Variants in TMC4 observed in about 807,000 individuals in gnomAD.
TMC4 encodes transmembrane channel like 4, also known as voltage-gated chloride channel TMC4.
In TMC4, 70 loss-of-function variants were observed where a neutral mutation model predicts 82.0. That is an observed-to-expected ratio of 0.85 (90% CI 0.70 to 1.04). The LOEUF is 1.04. TMC4 is among the 50% of genes least tolerant of loss of function. TMC4 has a pLI of 0.00. For synonymous variants in TMC4, 446 were observed against 406.0 expected (o/e 1.10, Z -1.18); for missense variants, 879 against 899.0 (o/e 0.98, Z 0.28).
Position 54,169,456 on chromosome 19 carries a change from C to G in TMC4, c.442+56G>C, listed in dbSNP as rs1292985378. The G allele has an allele frequency of 2.6e-6, 4 of 1,555,930 alleles. No homozygotes were observed. In the African/African-American group the frequency reaches 5.5e-5, roughly 21 times the overall value. ...GGAGTCCGTCCCCAGCCCCTCCTCCCTCAGACCCAGGAGTCCAGGCCCTGC... is the reference window on the plus strand; with the variant it reads ...GGAGTCCGTCCCCAGCCCCTCCTCCGTCAGACCCAGGAGTCCAGGCCCTGC... On this transcript the variant is annotated intron_variant, in intron 3 of 14. Transcript: ENST00000619895.
At chr19:54,165,256 G>C (rs1161818146) in intron 6 of TMC4, among the ~76,000 whole-genome samples, 163 bp downstream of exon 6, 1 of 151,780 alleles carries the variant, frequency 6.6e-6, no homozygotes, top group East Asian at 1.9e-4. Context: ...GCCCTATCTC[G>C]GCCTCCTCTC....
At chr19:54,172,193 C>T (rs933010529) in intron 1 of TMC4, 110 bp from the exon 2 acceptor site, 10 of 899,284 alleles carry the variant, frequency 1.1e-5, no homozygotes, top group Non-Finnish European at 1.4e-5. Flanking sequence ...CCCAGGAGTC[C>T]AGGCCCCCGG....
Position 54,168,333 on chromosome 19 carries a change from G to C in TMC4, c.676-41C>G, listed in dbSNP as rs529056410. ...GGCGCAGGGGCCACTGTGGGAGGAG[G>C]CGGGGCTCCTGGAGCTGCACAGTCA... On this transcript the variant is annotated intron_variant, in intron 4 of 14. Coordinates refer to ENST00000619895, the MANE Select transcript of TMC4 (RefSeq NM_144686.4). 163 of 1,542,222 alleles carry C rather than the reference G, an allele frequency of 1.1e-4. No individual in the cohort carries two copies. In the African/African-American group the frequency reaches 1.8e-3, roughly 17 times the overall value.
Position 54,163,876 on chromosome 19 carries a change from A to G in TMC4, c.1125T>C (p.Leu375=). The change falls in exon 8 of 15, where the codon CTT becomes CTC. Residue 375 remains leucine, a synonymous_variant. Transcript: ENST00000619895. The part of the protein sequence containing the change: ...GCTVELQEMP[L]VQELPLLKLG... ...GCTTCAGCAGTGGCAACTCCTGGAC[A>G]AGGGGCATCTCCTGGGAGCGGGATG... is the stretch of plus-strand genomic sequence containing the variant. 1 of 1,613,994 alleles carries G rather than the reference A, an allele frequency of 6.2e-7. No individual in the cohort carries two copies. Among genetic ancestry groups the G allele is most frequent in the Non-Finnish European group, 8.5e-7 (1 of 1,179,992 alleles).
Position 54,163,724 on chromosome 19 carries a change from C to G in TMC4, c.1277G>C (p.Arg426Thr). The change falls in exon 8 of 15, where the codon AGG (arginine) becomes ACG (threonine). Residue 426 changes from arginine (R) to threonine (T), a missense_variant and splice_region_variant. By Grantham distance (71) the Arg-to-Thr change is moderately conservative (BLOSUM62 -1). Coordinates refer to ENST00000619895, the MANE Select transcript of TMC4 (RefSeq NM_144686.4). ...RSRQIVFILL[R>T]TVFLRLASLV... Reference sequence around the variant, plus strand: ...CCAGCCATCCCCGTGAGGCTGGAACCTGAGCAGGATAAAAACGATCTGGCG... The same window carrying G: ...CCAGCCATCCCCGTGAGGCTGGAACGTGAGCAGGATAAAAACGATCTGGCG... The G allele has an allele frequency of 6.2e-7, 1 of 1,614,056 alleles. No homozygotes were observed. The highest frequency in any genetic ancestry group is 8.5e-7 in the Non-Finnish European group (1 of 1,180,014).
intron 2 of TMC4, 141 bp downstream of exon 2, chr19:54,171,729 A>G (rs934700827): frequency 7.2e-6 from 5 of 694,532 alleles, no homozygotes; most frequent in African/African-American, 3.7e-5. Flanking sequence ...GAAAGAAACC[A>G]AGAGAGGCAG....
intron 11 of TMC4, 21 bp from the exon 12 acceptor site, chr19:54,161,281 G>A: frequency 2.0e-6 from 3 of 1,484,380 alleles, no homozygotes; most frequent in Non-Finnish European, 2.7e-6. Context: ...AAGGCACGGA[G>A]AAAAGGGCTC....
chr19:54,161,545 T>C (rs2075555987), intron 11 of TMC4, among the ~76,000 whole-genome samples: 1 of 150,240 alleles, frequency 6.7e-6, no homozygotes, highest in Admixed American at 6.6e-5. Context: ...TGTTTGTTTG[T>C]TTTCTCTTTT....
intron 5 of TMC4, 151 bp from the exon 6 acceptor site, chr19:54,165,717 CAA>C (rs1341793539): frequency 3.3e-6 from 3 of 913,954 alleles, no homozygotes; most frequent in Non-Finnish European, 4.8e-6. Context: ...GGGAAAGAGT[CAA>C]AGAGGCGGAG....
intron 2 of TMC4, among the ~76,000 whole-genome samples, chr19:54,171,477 G>T (rs2075886364): frequency 6.6e-6 from 1 of 152,186 alleles, no homozygotes; most frequent in African/African-American, 2.4e-5. Context: ...TATGCAGTGA[G>T]AATGGGAAAA....
At position 54,165,463 on chromosome 19, in the gene TMC4, C is replaced by T; in HGVS notation, c.901G>A (p.Val301Ile). The T allele has an allele frequency of 6.2e-7, 1 of 1,611,358 alleles. No individual in the cohort carries two copies. Among genetic ancestry groups the T allele is most frequent in the Non-Finnish European group, 8.5e-7 (1 of 1,178,106 alleles). ...SAWDFGLCGDVHVRLRQRIIL... is the reference protein window; with the variant it reads ...SAWDFGLCGDIHVRLRQRIIL... ...ATGCGCTGGCGCAGCCGCACGTGGA[C>T]GTCCCCGCAGAGACCGAAGTCCCAG... Residue 301 changes from valine (V) to isoleucine (I), a missense_variant, in exon 6 of 15, where the codon GTC (valine) becomes ATC (isoleucine). Coordinates refer to ENST00000619895, the MANE Select transcript of TMC4 (RefSeq NM_144686.4).
rs758296563 is a variant in TMC4 at position 54,163,061 on chromosome 19, G to A, written c.1376C>T (p.Thr459Ile). 8 of 1,614,126 alleles carry A rather than the reference G, an allele frequency of 5.0e-6. No homozygotes were observed. Among genetic ancestry groups the A allele is most frequent in the African/African-American group, 4.0e-5 (3 of 75,008 alleles). The part of the protein sequence containing the change: ...GGDSEAEDCK[T>I]CGYNYKQLPC... ...AAGTTGTTTGTAATTGTAGCCACAG[G>A]TTTTGCAGTCCTCAGCCTCGGAGTC... is the stretch of plus-strand genomic sequence containing the variant. The change falls in exon 9 of 15, where the codon ACC (threonine) becomes ATC (isoleucine). Residue 459 changes from threonine to isoleucine, a missense_variant. Transcript: ENST00000619895.
In TMC4 at chr19:54,161,174, CAGG is replaced by C. The variant is rs1312951689; in HGVS notation, c.1770_1772del (p.Leu591del). The C allele has an allele frequency of 6.3e-7, 1 of 1,593,358 alleles. No individual in the cohort carries two copies. Among genetic ancestry groups the C allele is most frequent in the South Asian group, 1.1e-5 (1 of 88,586 alleles). On this transcript the variant is annotated inframe_deletion, in exon 12 of 15. Transcript: ENST00000619895. ...GGGGAACGCTGGAGATGGCCAGACC[CAGG>C]AGAAGGACCAAGGGGAAAAAGAAAT... is the stretch of plus-strand genomic sequence containing the variant.
Position 54,165,056 on chromosome 19 carries a change from TA to T in TMC4, c.945+362del, listed in dbSNP as rs916374679. ...GCCCCGCCCGCTTCTTGTGCTTACT[TA>T]AAAAAAAACAAACTTTTTTTTTTTT... is the stretch of plus-strand genomic sequence containing the variant. On this transcript the variant is annotated intron_variant, in intron 6 of 14. Coordinates refer to ENST00000619895, the MANE Select transcript of TMC4 (RefSeq NM_144686.4). Among the ~76,000 whole-genome samples the T allele has an allele frequency of 2.3e-3, 336 of 146,132 alleles. 1 individual carries two copies. The highest frequency in any genetic ancestry group is 8.1e-3 in the African/African-American group (318 of 39,480).
intron 14 of TMC4, 29 bp downstream of exon 14, chr19:54,160,438 G>A: frequency 6.2e-7 from 1 of 1,610,802 alleles, no homozygotes; most frequent in Non-Finnish European, 8.5e-7. Context: ...TGTTCCCCAG[G>A]GGCCCTCTCA....
At chr19:54,164,331 C>G (rs1003435168) in intron 7 of TMC4, 103 bp downstream of exon 7, 1 of 1,403,688 alleles carries the variant, frequency 7.1e-7, no homozygotes, top group African/African-American at 1.4e-5. Context: ...TCCCATACTT[C>G]CTCTCTAAGA....
At chr19:54,163,373 C>T (rs1169630664) in intron 8 of TMC4, 8 of 674,470 alleles carry the variant, frequency 1.2e-5, no homozygotes, top group African/African-American at 7.6e-5. Flanking sequence ...TGCAGTGGCG[C>T]GATCTCAGCT....
intron 6 of TMC4, among the ~76,000 whole-genome samples, chr19:54,165,070 CTTT>C (rs34861271): frequency 2.9e-5 from 4 of 136,036 alleles, no homozygotes; most frequent in Admixed American, 7.3e-5. Context: ...AAAAAACAAA[CTTT>C]TTTTTTTTTT....
At position 54,160,533 on chromosome 19, in the gene TMC4, C is replaced by T. The variant is rs763411670; in HGVS notation, c.1986G>A (p.Ala662=). ...AGGAGTTAGCCAGAGCCACAGTGTA[C>T]GCCATCAGGATGCTGAAGGAGACAG... ...PLLLISSILM[A]YTVALANSYG... Residue 662 remains alanine, a synonymous_variant, in exon 14 of 15, where the codon GCG becomes GCA. Coordinates refer to ENST00000619895, the MANE Select transcript of TMC4 (RefSeq NM_144686.4). 1 of 1,614,092 alleles carries T rather than the reference C, an allele frequency of 6.2e-7. No homozygotes were observed.
Sources: allele counts gnomAD v4.1 joint callset (sites outside exome capture counted in the v4.1 genomes callset), GRCh38; gene constraint gnomAD v4.1.1; transcripts MANE v1.5; gene names NCBI Gene and HGNC (gene_info 2026-07-23, HGNC 2026-07-21).